Variants in MSRA observed in about 807,000 individuals in gnomAD.
MSRA encodes the protein mitochondrial peptide methionine sulfoxide reductase.
A neutral mutation model predicts 31.3 loss-of-function variants in MSRA; 54 were observed. The ratio of observed to expected loss-of-function variants is 1.73; its 90% CI spans 1.39 to 2.17. The LOEUF is 2.17. Ranked by LOEUF, MSRA falls within the 30% of genes most tolerant of loss-of-function variation. The pLI is 0.00. For missense variants in MSRA, 507 were observed against 300.9 expected (o/e 1.69, Z -5.07); for synonymous variants, 169 against 116.5 (o/e 1.45, Z -2.90).
At chr8:10,114,433 A>G (rs542174338) in intron 1 of MSRA, among the ~76,000 whole-genome samples, 20 of 152,342 alleles carry the variant, frequency 1.3e-4, no homozygotes, top group Admixed American at 9.8e-4. Context: ...CAATAGCTGC[A>G]TCATTTTACT....
intron 3 of MSRA, among the ~76,000 whole-genome samples, chr8:10,256,341 A>G (rs1798178469): frequency 6.6e-6 from 1 of 152,078 alleles, no homozygotes; most frequent in African/African-American, 2.4e-5. Flanking sequence ...CATGGCCTGG[A>G]TGTACCCCAG....
intron 1 of MSRA, among the ~76,000 whole-genome samples, chr8:10,154,729 A>G (rs1804003636): frequency 6.6e-6 from 1 of 152,150 alleles, no homozygotes; most frequent in Admixed American, 6.5e-5. Flanking sequence ...AAACAATTCT[A>G]CTTTTTTCTT....
At chr8:10,338,172 G>A (rs1304842552) in intron 5 of MSRA, among the ~76,000 whole-genome samples, 5 of 152,190 alleles carry the variant, frequency 3.3e-5, no homozygotes, top group Non-Finnish European at 5.9e-5. Context: ...AGTGAGCCCC[G>A]AGAAAGCAAT....
At chr8:10,214,077 T>G (rs1809763255) in intron 2 of MSRA, among the ~76,000 whole-genome samples, 1 of 152,180 alleles carries the variant, frequency 6.6e-6, no homozygotes, top group African/African-American at 2.4e-5. Context: ...AAAACATGTT[T>G]TCCGGGTCAG....
At chr8:10,122,784 G>A (rs1034767541) in intron 1 of MSRA, among the ~76,000 whole-genome samples, 1 of 152,050 alleles carries the variant, frequency 6.6e-6, no homozygotes, top group Non-Finnish European at 1.5e-5. Flanking sequence ...AAAACATGAG[G>A]TATTTGGTTT....
chr8:10,360,090 C>T (rs902763976), intron 5 of MSRA, among the ~76,000 whole-genome samples: 7 of 152,350 alleles, frequency 4.6e-5, no homozygotes, highest in Non-Finnish European at 8.8e-5. Flanking sequence ...GCTCCAGCCT[C>T]TTCACCCAGG....
At chr8:10,254,391 A>G (rs534694129) in intron 3 of MSRA, among the ~76,000 whole-genome samples, 1 of 151,766 alleles carries the variant, frequency 6.6e-6, no homozygotes, top group South Asian at 2.1e-4. Context: ...TGTTTTTTCC[A>G]CTCTGGTTTA....
At chr8:10,317,788 C>G (rs1801810901) in intron 4 of MSRA, among the ~76,000 whole-genome samples, 1 of 152,168 alleles carries the variant, frequency 6.6e-6, no homozygotes, top group African/African-American at 2.4e-5. Context: ...GTGAACTTTG[C>G]AACACTTGTT....
At chr8:10,202,089 TTG>T (rs1324975888) in intron 1 of MSRA, among the ~76,000 whole-genome samples, 1 of 152,258 alleles carries the variant, frequency 6.6e-6, no homozygotes, top group Non-Finnish European at 1.5e-5. Context: ...TTTAATAAAT[TTG>T]TTTCTGTGGT....
chr8:10,246,759 T>C (rs762809229), intron 3 of MSRA, among the ~76,000 whole-genome samples: 1 of 152,352 alleles, frequency 6.6e-6, no homozygotes, highest in Non-Finnish European at 1.5e-5. Context: ...TAGAGAAGGA[T>C]TGAAATATTC....
At chr8:10,219,601 C>G (rs1255152592) in intron 2 of MSRA, among the ~76,000 whole-genome samples, 1 of 151,890 alleles carries the variant, frequency 6.6e-6, no homozygotes, top group Non-Finnish European at 1.5e-5. Context: ...CAAGGTCAGA[C>G]TGAGACCATC....
chr8:10,389,066 C>G (rs1157169680), intron 5 of MSRA, among the ~76,000 whole-genome samples: 2 of 152,100 alleles, frequency 1.3e-5, no homozygotes, highest in South Asian at 4.2e-4. Flanking sequence ...TATCCTACTG[C>G]TCAAGGTCAT....
In MSRA at chr8:10,183,487, A is replaced by T. The variant is rs193062535; in HGVS notation, c.143-24346A>T. Among the ~76,000 whole-genome samples, 41 of 152,328 alleles carry T rather than the reference A, an allele frequency of 2.7e-4. 1 individual carries two copies. Among genetic ancestry groups the T allele is most frequent in the African/African-American group, 9.4e-4 (39 of 41,576 alleles). On this transcript the variant is annotated intron_variant, in intron 1 of 5. Coordinates refer to ENST00000317173, the MANE Select transcript of MSRA (RefSeq NM_012331.5). ...AGGTCATAACAGTGCTTGGAAGGCCATTGAAGCTACAGTCAGGGGCAGACC... is the reference window on the plus strand; with the variant it reads ...AGGTCATAACAGTGCTTGGAAGGCCTTTGAAGCTACAGTCAGGGGCAGACC...
At chr8:10,113,606 C>G (rs1425605294) in intron 1 of MSRA, among the ~76,000 whole-genome samples, 5 of 151,664 alleles carry the variant, frequency 3.3e-5, no homozygotes, top group East Asian at 2.0e-4. Flanking sequence ...AAAATGGGTA[C>G]TGGCCATTAA....
intron 5 of MSRA, among the ~76,000 whole-genome samples, chr8:10,423,396 C>T (rs1808931378): frequency 6.6e-6 from 1 of 152,148 alleles, no homozygotes; most frequent in Non-Finnish European, 1.5e-5. Context: ...CTGACTGGGA[C>T]ACCTGGTGTG....
intron 5 of MSRA, among the ~76,000 whole-genome samples, chr8:10,417,942 C>T (rs556261312): frequency 6.6e-6 from 1 of 152,088 alleles, no homozygotes; most frequent in Admixed American, 6.5e-5. Flanking sequence ...CGAAGTGAGT[C>T]TAGAATCCAC....
At chr8:10,253,312 A>T (rs1253033226) in intron 3 of MSRA, among the ~76,000 whole-genome samples, 3 of 152,198 alleles carry the variant, frequency 2.0e-5, no homozygotes, top group African/African-American at 7.2e-5. Flanking sequence ...CGTGTTCTTC[A>T]TATGACCTTG....
At chr8:10,354,578 C>T (rs1804392749) in intron 5 of MSRA, among the ~76,000 whole-genome samples, 1 of 151,966 alleles carries the variant, frequency 6.6e-6, no homozygotes, top group Non-Finnish European at 1.5e-5. Flanking sequence ...ATACCTTAAA[C>T]AATAGAATCA....
At chr8:10,291,738 A>G (rs1055263324) in intron 3 of MSRA, among the ~76,000 whole-genome samples, 1 of 152,088 alleles carries the variant, frequency 6.6e-6, no homozygotes, top group Non-Finnish European at 1.5e-5. Flanking sequence ...AACGGTTTGG[A>G]TAAGTCTGGC....
Sources: allele counts gnomAD v4.1 joint callset (sites outside exome capture counted in the v4.1 genomes callset), GRCh38; gene constraint gnomAD v4.1.1; transcripts MANE v1.5; gene names NCBI Gene and HGNC (gene_info 2026-07-23, HGNC 2026-07-21).